TRARG1: variants seen among roughly 807,000 people sequenced by gnomAD.
TRARG1 encodes trafficking regulator of GLUT4 1.
A neutral mutation model predicts 13.3 loss-of-function variants in TRARG1; 16 were observed. The ratio of observed to expected loss-of-function variants is 1.20; its 90% CI spans 0.81 to 1.83. The LOEUF (loss-of-function observed/expected upper bound fraction) is 1.83, where lower values mean the gene tolerates loss of function less well. Among genes scored for constraint, TRARG1 ranks in the 40% most tolerant of loss-of-function variants. The pLI is 0.00. For missense variants in TRARG1, 250 were observed against 237.4 expected, an observed-to-expected ratio of 1.05 and a Z score of -0.35; for synonymous variants, 113 against 106.2, an observed-to-expected ratio of 1.06 and a Z score of -0.39.
Position 1,295,544 on chromosome 17 carries a change from C to T in TRARG1, c.441C>T (p.Arg147=), listed in dbSNP as rs1456021892. The T allele has an allele frequency of 6.2e-7, 1 of 1,613,108 alleles. No individual in the cohort carries two copies. Among genetic ancestry groups the T allele is most frequent in the Non-Finnish European group, 8.5e-7 (1 of 1,179,790 alleles). ...GNVDGARRLG[R]LARLLSITLI... Reference sequence around the variant, plus strand: ...TGGACGGCGCCCGGAGGCTGGGCCGCCTGGCTCGGCTGCTCAGCATTACCC... The same window carrying T: ...TGGACGGCGCCCGGAGGCTGGGCCGTCTGGCTCGGCTGCTCAGCATTACCC... Residue 147 remains arginine (R), a synonymous_variant, in exon 2 of 3, where the codon CGC becomes CGT. Coordinates refer to ENST00000333813, the MANE Select transcript of TRARG1 (RefSeq NM_172367.3).
intron 1 of TRARG1, among the ~76,000 whole-genome samples, chr17:1,294,375 A>G (rs2072095588): frequency 6.6e-6 from 1 of 151,508 alleles, no homozygotes; most frequent in Admixed American, 6.6e-5. Flanking sequence ...GGCAACCACG[A>G]GGCCATTCAT....
chr17:1,294,941 C>T (rs1196659389), intron 1 of TRARG1, among the ~76,000 whole-genome samples: 6 of 152,334 alleles, frequency 3.9e-5, no homozygotes, highest in African/African-American at 1.2e-4. Context: ...GCCTCAGCCT[C>T]TCCAAGTGCT....
At chr17:1,291,520 C>T (rs1207972885) in intron 1 of TRARG1, among the ~76,000 whole-genome samples, 1 of 152,162 alleles carries the variant, frequency 6.6e-6, no homozygotes, top group African/African-American at 2.4e-5. Context: ...TGTAAGTTTC[C>T]TGAGCCTCTC....
intron 1 of TRARG1, among the ~76,000 whole-genome samples, chr17:1,294,736 G>A (rs1378667379): frequency 1.8e-4 from 25 of 138,310 alleles, no homozygotes; most frequent in Non-Finnish European, 3.1e-4. Flanking sequence ...CCCAGGCTAG[G>A]GTGCAGTGGC....
At chr17:1,282,280 A>ATG (rs1567928319) in intron 1 of TRARG1, among the ~76,000 whole-genome samples, 32 of 147,412 alleles carry the variant, frequency 2.2e-4, no homozygotes, top group African/African-American at 8.0e-4. Context: ...ATGCACGTAT[A>ATG]TGTACATATA....
chr17:1,285,078 G>A (rs530518991), intron 1 of TRARG1, among the ~76,000 whole-genome samples: 6 of 152,220 alleles, frequency 3.9e-5, no homozygotes, highest in African/African-American at 1.4e-4. Flanking sequence ...AAGGCTGCAA[G>A]GGGTGTGATG....
At position 1,279,982 on chromosome 17, in the gene TRARG1, C is replaced by G; in HGVS notation, c.-20C>G. On this transcript the variant is annotated 5_prime_UTR_variant, in exon 1 of 3. Coordinates refer to ENST00000333813, the MANE Select transcript of TRARG1 (RefSeq NM_172367.3). The stretch of plus-strand genomic sequence containing the variant: ...CCTTGTCCCAGCCTGGAGCTGCAGC[C>G]GCGCAAGGCCCAGGCCCCCATGGCC... 1.3e-6 allele frequency: 2 copies of G among 1,590,502 alleles called. No homozygotes were observed. Among genetic ancestry groups the G allele is most frequent in the South Asian group, 2.3e-5 (2 of 87,808 alleles).
Position 1,295,518 on chromosome 17 carries a change from G to A in TRARG1, c.415G>A (p.Val139Met), listed in dbSNP as rs777926793. 1.8e-5 allele frequency: 29 copies of A among 1,611,306 alleles called. No homozygotes were observed. The highest frequency in any genetic ancestry group is 1.1e-4 in the African/African-American group (8 of 74,866). ...MSRSSMQQGN[V>M]DGARRLGRLA... is the part of the protein sequence containing the mutation. ...TCGAAGCAGCATGCAACAGGGCAACGTGGACGGCGCCCGGAGGCTGGGCCG... is the reference window on the plus strand; with the variant it reads ...TCGAAGCAGCATGCAACAGGGCAACATGGACGGCGCCCGGAGGCTGGGCCG... Residue 139 changes from valine to methionine, a missense_variant, in exon 2 of 3, where the codon GTG becomes ATG. Val to Met is a conservative substitution (Grantham distance 21, BLOSUM62 1). Transcript: ENST00000333813.
At chr17:1,295,769 T>TA (rs1280378194) in intron 2 of TRARG1, 146 bp downstream of exon 2, 1 of 916,634 alleles carries the variant, frequency 1.1e-6, no homozygotes, top group Admixed American at 2.9e-5. Context: ...TCCCAGTCCA[T>TA]AAAGTGCCCC....
chr17:1,280,428 C>G (rs2071965186), intron 1 of TRARG1, 40 bp downstream of exon 1: 1 of 1,514,860 alleles, frequency 6.6e-7, no homozygotes, highest in East Asian at 2.3e-5. Flanking sequence ...GGGCTGGGCC[C>G]AGGGGTCGGC....
chr17:1,285,616 A>G (rs1342151204), intron 1 of TRARG1, among the ~76,000 whole-genome samples: 2 of 151,892 alleles, frequency 1.3e-5, no homozygotes, highest in Admixed American at 6.6e-5. Context: ...GAGGCAGGAG[A>G]ATCGCTTGAA....
At chr17:1,282,223 T>TGCGTATATGTACGTATACACGG (rs2071983941) in intron 1 of TRARG1, among the ~76,000 whole-genome samples, 2 of 93,214 alleles carry the variant, frequency 2.1e-5, no homozygotes, top group South Asian at 3.3e-4. Flanking sequence ...CGTATACACG[T>TGCGTATATGTACGTATACACGG]GCGTATATGT....
chr17:1,286,026 T>C (rs2072017343), intron 1 of TRARG1, among the ~76,000 whole-genome samples: 1 of 152,080 alleles, frequency 6.6e-6, no homozygotes, highest in Non-Finnish European at 1.5e-5. Flanking sequence ...GGAGGGGCCT[T>C]GGCAAAATGG....
At chr17:1,286,009 G>A (rs1348939443) in intron 1 of TRARG1, among the ~76,000 whole-genome samples, 9 of 152,186 alleles carry the variant, frequency 5.9e-5, no homozygotes, top group Admixed American at 2.0e-4. Flanking sequence ...CCTGGTGACC[G>A]GGGGATGGAG....
chr17:1,294,239 C>T (rs1225231736), intron 1 of TRARG1, among the ~76,000 whole-genome samples: 1 of 152,034 alleles, frequency 6.6e-6, no homozygotes, highest in African/African-American at 2.4e-5. Context: ...AGGACCCTCT[C>T]TGTCCCCACC....
intron 1 of TRARG1, 113 bp downstream of exon 1, chr17:1,280,501 TG>T: frequency 8.4e-7 from 1 of 1,194,692 alleles, no homozygotes. Context: ...GAGCTGGGAG[TG>T]GGGGGCTTGG....
intron 1 of TRARG1, among the ~76,000 whole-genome samples, chr17:1,281,971 CACGTGTACAT>C (rs1479232619): frequency 6.7e-6 from 1 of 148,820 alleles, no homozygotes; most frequent in African/African-American, 2.5e-5. Context: ...CATATATGCA[CACGTGTACAT>C]ATATGTACAT....
At position 1,299,997 on chromosome 17, in the gene TRARG1, C is replaced by G. The variant is rs2292236; in HGVS notation, c.*1733C>G. On this transcript the variant is annotated 3_prime_UTR_variant, in exon 3 of 3. Transcript: ENST00000333813. Reference sequence around the variant, plus strand: ...GGGCAGGGGTGCAGGGCTCAGGGGGCCCGGGCTGGTCCTTTGGGGCTGGTG... The same window carrying G: ...GGGCAGGGGTGCAGGGCTCAGGGGGGCCGGGCTGGTCCTTTGGGGCTGGTG... The G allele has an allele frequency of 0.37, 56,614 of 152,296 alleles. 10,964 individuals are homozygous for G. The highest frequency in any genetic ancestry group is 0.49 in the African/African-American group (20,185 of 41,476). The allele number at this position is 152,296 out of a possible 1,614,324, so 9.4% of individuals were successfully genotyped here. A position where few individuals can be genotyped will look rare whatever the true frequency, so the allele number is the denominator to read the frequency against.
At chr17:1,280,859 C>T in intron 1 of TRARG1, among the ~76,000 whole-genome samples, 1 of 152,236 alleles carries the variant, frequency 6.6e-6, no homozygotes, top group East Asian at 1.9e-4. Flanking sequence ...GCTCCGGTTT[C>T]CAAGAGTCGC....
Sources: gnomAD v4.1 joint callset for allele counts (sites outside exome capture counted in the v4.1 genomes callset) on GRCh38, gnomAD v4.1.1 for gene constraint, MANE v1.5 for transcripts, NCBI Gene and HGNC (gene_info 2026-07-23, HGNC 2026-07-21) for gene names.